Variants in SMC1B observed in about 807,000 individuals in gnomAD.
SMC1B encodes structural maintenance of chromosomes 1B.
A neutral mutation model predicts 157.9 loss-of-function variants in SMC1B; 60 were observed. That is an observed-to-expected ratio of 0.38 (90% CI 0.31 to 0.47). SMC1B has a LOEUF of 0.47. Among genes scored for constraint, SMC1B ranks in the 20% least tolerant of loss-of-function variants. SMC1B has a pLI of 0.99. For missense variants in SMC1B, 1,165 were observed against 1,426.2 expected (o/e 0.82, Z 2.95); for synonymous variants, 445 against 483.0 (o/e 0.92, Z 1.03).
At chr22:45,409,859 T>C (rs902004637) in intron 1 of SMC1B, among the ~76,000 whole-genome samples, 12 of 152,220 alleles carry the variant, frequency 7.9e-5, no homozygotes, top group Admixed American at 7.2e-4. Flanking sequence ...AATCTGAACA[T>C]ATGCTTTCTT....
intron 4 of SMC1B, among the ~76,000 whole-genome samples, chr22:45,406,186 T>C (rs2087257279): frequency 6.6e-6 from 1 of 152,208 alleles, no homozygotes. Context: ...TCCAAACATC[T>C]GAGAGCCTTT....
intron 10 of SMC1B, among the ~76,000 whole-genome samples, chr22:45,389,176 T>C (rs1448666574): frequency 6.6e-6 from 1 of 152,178 alleles, no homozygotes; most frequent in Non-Finnish European, 1.5e-5. Flanking sequence ...AAAGAGAACA[T>C]TTTCTTGAGT....
chr22:45,412,437 G>T (rs1000386655), intron 1 of SMC1B, among the ~76,000 whole-genome samples: 4 of 147,864 alleles, frequency 2.7e-5, no homozygotes, highest in African/African-American at 1.0e-4. Flanking sequence ...CTGATCTCAT[G>T]ATCCACCCGC....
chr22:45,378,388 C>T (rs17639579), intron 12 of SMC1B, among the ~76,000 whole-genome samples: 9,082 of 152,044 alleles, frequency 0.06, 398 homozygotes, highest in Non-Finnish European at 0.088. Context: ...CCATTGTGGC[C>T]GAGCATATGA....
intron 15 of SMC1B, among the ~76,000 whole-genome samples, chr22:45,369,515 A>G (rs377170881): frequency 2.0e-5 from 3 of 151,154 alleles, no homozygotes; most frequent in African/African-American, 7.3e-5. Context: ...ATCTCTTTGT[A>G]AGAATATAAA....
At chr22:45,349,396 G>C (rs572501164) in intron 23 of SMC1B, among the ~76,000 whole-genome samples, 1 of 151,342 alleles carries the variant, frequency 6.6e-6, no homozygotes, top group African/African-American at 2.4e-5. Flanking sequence ...GAGTGCAGTG[G>C]TGCAATCTCG....
chr22:45,364,823 C>CTTT (rs2086757347), intron 15 of SMC1B, among the ~76,000 whole-genome samples: 1 of 129,442 alleles, frequency 7.7e-6, no homozygotes, highest in African/African-American at 2.8e-5. Flanking sequence ...GATCTCTTTT[C>CTTT]CTTTTTTTTT....
chr22:45,361,196 T>C (rs2086718163), intron 17 of SMC1B, among the ~76,000 whole-genome samples: 1 of 152,222 alleles, frequency 6.6e-6, no homozygotes, highest in African/African-American at 2.4e-5. Context: ...TCTATCTCCT[T>C]ACCCTCTGTG....
At chr22:45,352,220 CA>C (rs34136195) in intron 22 of SMC1B, among the ~76,000 whole-genome samples, 54,337 of 122,542 alleles carry the variant, frequency 0.44, 12,081 homozygotes, top group Non-Finnish European at 0.56. Context: ...ACTCTGTCTC[CA>C]AAAAAAAAAA....
chr22:45,353,615 A>G (rs1302370655), intron 21 of SMC1B, among the ~76,000 whole-genome samples: 1 of 152,130 alleles, frequency 6.6e-6, no homozygotes, highest in African/African-American at 2.4e-5. Flanking sequence ...AGGATCCTCT[A>G]TTATTCCACA....
Position 45,344,647 on chromosome 22 carries a change from CAGT to C in SMC1B, c.3614_3616del (p.Asp1205_Cys1206delinsGly). On this transcript the variant is annotated inframe_deletion, in exon 25 of 25. Transcript: ENST00000357450. ...TAGGGTCAAAACTCGGCTGAACATG[CAGT>C]CATCGTACTAAAATGGAGAGAAGAC... is the stretch of plus-strand genomic sequence containing the variant. 6.2e-7 allele frequency: 1 copy of C among 1,612,908 alleles called. No homozygotes were observed. The highest frequency in any genetic ancestry group is 2.2e-5 in the East Asian group (1 of 44,868).
chr22:45,397,338 G>A (rs959007145), intron 6 of SMC1B, among the ~76,000 whole-genome samples: 2 of 152,020 alleles, frequency 1.3e-5, no homozygotes, highest in African/African-American at 4.8e-5. Flanking sequence ...GCAACACAGT[G>A]TGACCTCATC....
intron 15 of SMC1B, among the ~76,000 whole-genome samples, chr22:45,369,612 C>T (rs1175298405): frequency 2.7e-5 from 4 of 148,558 alleles, no homozygotes; most frequent in Admixed American, 6.7e-5. Flanking sequence ...GCGCAATCTC[C>T]GCTCACTGCA....
At chr22:45,409,908 G>C (rs1448478458) in intron 1 of SMC1B, among the ~76,000 whole-genome samples, 1 of 152,174 alleles carries the variant, frequency 6.6e-6, no homozygotes, top group East Asian at 1.9e-4. Context: ...TTTCTTTTGA[G>C]GAAGGTCTGG....
intron 19 of SMC1B, 126 bp downstream of exon 19, chr22:45,358,571 C>T: frequency 1.7e-6 from 1 of 594,316 alleles, no homozygotes; most frequent in Non-Finnish European, 2.8e-6. Context: ...TTGTATATTT[C>T]TTCCAAAACC....
chr22:45,371,832 A>G (rs1464170770), intron 13 of SMC1B, among the ~76,000 whole-genome samples: 2 of 152,140 alleles, frequency 1.3e-5, no homozygotes, highest in Non-Finnish European at 2.9e-5. Flanking sequence ...CAAGGTGGGC[A>G]TATCACCTGA....
chr22:45,406,842 T>G lies in SMC1B; in HGVS notation c.322A>C (p.Asn108His). The change falls in exon 3 of 25, where the codon AAT (asparagine) becomes CAT (histidine). Residue 108 changes from asparagine (N) to histidine (H), a missense_variant. By Grantham distance (68) the Asn-to-His change is moderately conservative. Transcript: ENST00000357450. ...IRGGCSEFRF[N>H]DNLVSRSVYI... ...ACAGAACGACTCACAAGATTATCAT[T>G]AAAGCGAAATTCTGAGCATCCCCCT... 6.4e-7 allele frequency: 1 copy of G among 1,572,612 alleles called. No homozygotes were observed. Among genetic ancestry groups the G allele is most frequent in the Non-Finnish European group, 8.6e-7 (1 of 1,167,424 alleles).
At chr22:45,368,213 T>C (rs1018305339) in intron 15 of SMC1B, among the ~76,000 whole-genome samples, 2 of 152,192 alleles carry the variant, frequency 1.3e-5, no homozygotes, top group Admixed American at 6.5e-5. Context: ...ATGCTGAATT[T>C]TGTCAAGTGT....
rs3833396 is a variant in SMC1B, at chr22:45,353,893, CAAAAAAAAAAA to C, written c.3273+74_3273+84del. The C allele has an allele frequency of 1.8e-4, 44 of 247,500 alleles. No individual in the cohort carries two copies. In the Admixed American group the frequency reaches 2.6e-3, roughly 15 times the overall value. The allele number at this position is 247,500 out of a possible 1,614,324, so 15.3% of individuals were successfully genotyped here. A position where few individuals can be genotyped will look rare whatever the true frequency, so the allele number is the denominator to read the frequency against. On this transcript the variant is annotated intron_variant, in intron 21 of 24. Coordinates refer to ENST00000357450, the MANE Select transcript of SMC1B (RefSeq NM_148674.5). ...TAATGTGGCAGTGGTTATTTCCCAC[CAAAAAAAAAAA>C]AAAAAAAAAAAAAAAACAACCACCA...
Sources: allele counts gnomAD v4.1 joint callset (sites outside exome capture counted in the v4.1 genomes callset), GRCh38; gene constraint gnomAD v4.1.1; transcripts MANE v1.5; gene names NCBI Gene and HGNC (gene_info 2026-07-23, HGNC 2026-07-21).